GRIN2A: variants seen among roughly 807,000 people sequenced by gnomAD.
GRIN2A encodes glutamate ionotropic receptor NMDA type subunit 2A.
A neutral mutation model predicts 113.4 loss-of-function variants in GRIN2A; 22 were observed. The ratio of observed to expected loss-of-function variants is 0.19; its 90% CI spans 0.14 to 0.28. The LOEUF is 0.28. Ranked by LOEUF, GRIN2A falls within the 10% of genes least tolerant of loss-of-function variation. GRIN2A has a pLI of 1.00. For synonymous variants in GRIN2A, 827 were observed against 738.4 expected (o/e 1.12, Z -1.94); for missense variants, 1,502 against 1,887.0 (o/e 0.80, Z 3.78).
chr16:9,771,171 A>G (rs1168115198), intron 11 of GRIN2A, among the ~76,000 whole-genome samples: 4 of 149,058 alleles, frequency 2.7e-5, no homozygotes, highest in East Asian at 3.9e-4. Flanking sequence ...TCAATTTGCA[A>G]TTCCCTAATG....
intron 4 of GRIN2A, among the ~76,000 whole-genome samples, chr16:9,886,766 G>C (rs957665893): frequency 1.6e-4 from 24 of 152,142 alleles, no homozygotes; most frequent in Admixed American, 4.6e-4. Flanking sequence ...CAATACAAGA[G>C]GTGATCAATA....
chr16:9,794,977 GTGA>G (rs1902880241), intron 11 of GRIN2A, among the ~76,000 whole-genome samples: 1 of 152,006 alleles, frequency 6.6e-6, no homozygotes, highest in Non-Finnish European at 1.5e-5. Flanking sequence ...GATGATGGTG[GTGA>G]TGATCGTGGT....
At chr16:10,142,007 C>A (rs2049336230) in intron 2 of GRIN2A, among the ~76,000 whole-genome samples, 1 of 152,202 alleles carries the variant, frequency 6.6e-6, no homozygotes, top group African/African-American at 2.4e-5. Flanking sequence ...CCTCTCCTAT[C>A]ACACTCAACA....
At chr16:9,943,617 G>A (rs10500369) in intron 2 of GRIN2A, among the ~76,000 whole-genome samples, 28,594 of 152,072 alleles carry the variant, frequency 0.19, 2,880 homozygotes, top group Middle Eastern at 0.22. Flanking sequence ...AAGAGATAAC[G>A]CAAGTGGCAT....
At chr16:9,781,943 A>C in intron 11 of GRIN2A, among the ~76,000 whole-genome samples, 1 of 152,236 alleles carries the variant, frequency 6.6e-6, no homozygotes. Context: ...TAGTTACATA[A>C]GAATGCTTAA....
intron 3 of GRIN2A, among the ~76,000 whole-genome samples, chr16:9,930,584 C>A (rs1210549274): frequency 6.6e-6 from 1 of 152,200 alleles, no homozygotes; most frequent in East Asian, 1.9e-4. Flanking sequence ...CTCTGAGGTG[C>A]CTGATTTCAC....
At chr16:10,041,708 A>G (rs779773581) in intron 2 of GRIN2A, among the ~76,000 whole-genome samples, 2 of 152,230 alleles carry the variant, frequency 1.3e-5, no homozygotes, top group African/African-American at 4.8e-5. Context: ...TAGGTGCTCA[A>G]TAATTGCTAG....
chr16:10,078,785 C>T (rs2047925383), intron 2 of GRIN2A, among the ~76,000 whole-genome samples: 1 of 152,198 alleles, frequency 6.6e-6, no homozygotes, highest in South Asian at 2.1e-4. Flanking sequence ...GTCACCACTA[C>T]CCCCTCCGAA....
intron 3 of GRIN2A, among the ~76,000 whole-genome samples, chr16:9,914,802 T>C (rs933287522): frequency 2.6e-5 from 4 of 151,172 alleles, no homozygotes; most frequent in African/African-American, 9.7e-5. Flanking sequence ...GCTGAAGCAT[T>C]GTGCTACAAG....
chr16:10,156,430 G>C (rs924355942), intron 2 of GRIN2A, among the ~76,000 whole-genome samples: 1 of 152,250 alleles, frequency 6.6e-6, no homozygotes, highest in South Asian at 2.1e-4. Context: ...GACAGAGGCA[G>C]TGTGGCTATA....
intron 2 of GRIN2A, among the ~76,000 whole-genome samples, chr16:10,020,426 T>TA (rs2046698183): frequency 6.6e-6 from 1 of 152,288 alleles, no homozygotes; most frequent in African/African-American, 2.4e-5. Flanking sequence ...GTCAATTGCA[T>TA]AAAAAACCAC....
chr16:10,025,924 G>T (rs1228674451), intron 2 of GRIN2A, among the ~76,000 whole-genome samples: 5 of 152,148 alleles, frequency 3.3e-5, no homozygotes, highest in African/African-American at 4.8e-5. Context: ...GAAAAAATGG[G>T]AGGCAAGTGG....
chr16:10,036,936 T>C (rs1450066791), intron 2 of GRIN2A: 3 of 152,140 alleles, frequency 2.0e-5, no homozygotes, highest in East Asian at 1.9e-4. Context: ...CATCCTGAGG[T>C]ACTGAGGGTT....
intron 2 of GRIN2A, among the ~76,000 whole-genome samples, chr16:10,053,320 A>G (rs2141990111): frequency 6.6e-6 from 1 of 152,362 alleles, no homozygotes; most frequent in South Asian, 2.1e-4. Context: ...TAAAAGGAAG[A>G]TAATATATTT....
intron 2 of GRIN2A, among the ~76,000 whole-genome samples, chr16:10,052,990 G>A (rs2047384725): frequency 6.6e-6 from 1 of 151,230 alleles, no homozygotes; most frequent in Admixed American, 6.6e-5. Flanking sequence ...AGAGGTTGCA[G>A]TGAGCAGAGA....
intron 4 of GRIN2A, among the ~76,000 whole-genome samples, chr16:9,890,513 C>T (rs889523807): frequency 1.3e-5 from 2 of 152,158 alleles, no homozygotes; most frequent in Non-Finnish European, 2.9e-5. Flanking sequence ...CCCTCTCTAA[C>T]TCATGATTTA....
chr16:9,792,155 A>T (rs1424666551), intron 11 of GRIN2A, among the ~76,000 whole-genome samples: 1 of 151,770 alleles, frequency 6.6e-6, no homozygotes, highest in African/African-American at 2.4e-5. Context: ...ATATGATATA[A>T]CTGGGGTCAC....
In GRIN2A at chr16:9,764,237, G is replaced by A. The variant is rs748879665; in HGVS notation, c.3307C>T (p.Arg1103Cys). 3 of 1,613,800 alleles carry A rather than the reference G, an allele frequency of 1.9e-6. No individual in the cohort carries two copies. The highest frequency in any genetic ancestry group is 2.5e-6 in the Non-Finnish European group (3 of 1,179,928). Residue 1103 changes from arginine to cysteine, a missense_variant, in exon 13 of 13, where the codon CGC becomes TGC. Physicochemically the swap from Arg to Cys is radical, Grantham distance 180 (BLOSUM62 -3). This residue lies in a region of GRIN2A where 832 missense variants were observed against 789.7 expected (regional missense o/e 1.05). Transcript: ENST00000330684. Reference protein sequence around the residue: ...KYPKDCSEVERTYLKTKSSSP... With the variant: ...KYPKDCSEVECTYLKTKSSSP... ...CTTGATTTGGTTTTCAGGTAGGTGC[G>A]CTCGACCTCACTACAGTCCTTGGGG...
At chr16:10,098,629 A>T (rs1221972701) in intron 2 of GRIN2A, among the ~76,000 whole-genome samples, 1 of 152,196 alleles carries the variant, frequency 6.6e-6, no homozygotes, top group African/African-American at 2.4e-5. Context: ...ACTCAGCCTT[A>T]AAAAGGAATG....
Sources: allele counts gnomAD v4.1 joint callset (sites outside exome capture counted in the v4.1 genomes callset), GRCh38; gene constraint gnomAD v4.1.1; regional missense constraint gnomAD v4.1.1; transcripts MANE v1.5; gene names NCBI Gene and HGNC (gene_info 2026-07-23, HGNC 2026-07-21).